Variants in ULK4 observed in about 807,000 individuals in gnomAD.
ULK4 encodes the protein unc-51 like kinase 4.
A neutral mutation model predicts 160.6 loss-of-function variants in ULK4; 133 were observed. The observed-to-expected ratio is 0.83, with a 90% confidence interval of 0.72 to 0.96. The LOEUF (loss-of-function observed/expected upper bound fraction) is 0.96. Among genes scored for constraint, ULK4 ranks in the 40% least tolerant of loss-of-function variants. ULK4 has a pLI of 0.00. For missense variants in ULK4, 1,580 were observed against 1,499.5 expected, an observed-to-expected ratio of 1.05 and a Z score of -0.89; for synonymous variants, 534 against 539.8, an observed-to-expected ratio of 0.99 and a Z score of 0.15.
intron 25 of ULK4, among the ~76,000 whole-genome samples, chr3:41,710,662 C>T (rs568096738): frequency 1.1e-4 from 16 of 151,976 alleles, no homozygotes; most frequent in South Asian, 2.1e-4. Flanking sequence ...TGAGTGGTGG[C>T]ACACGCCTGT....
At chr3:41,831,940 A>G (rs919433463) in intron 18 of ULK4, among the ~76,000 whole-genome samples, 1 of 152,008 alleles carries the variant, frequency 6.6e-6, no homozygotes, top group African/African-American at 2.4e-5. Flanking sequence ...TTCTTTATCC[A>G]GTCTATCATT....
chr3:41,510,367 T>C lies in ULK4; in HGVS notation c.3227-47114A>G, dbSNP rs547191601. Among the ~76,000 whole-genome samples, 6 of 152,166 alleles carry C rather than the reference T, an allele frequency of 3.9e-5. No homozygotes were observed. The South Asian group carries it at 8.3e-4, about 21-fold the overall frequency. On this transcript the variant is annotated intron_variant, in intron 32 of 36. Coordinates refer to ENST00000301831, the MANE Select transcript of ULK4 (RefSeq NM_017886.4). ...CTAGTCCTAAGAAATAAGACAGATGTCAACACAATAATAGTGGGGGATTTT... is the reference window on the plus strand; with the variant it reads ...CTAGTCCTAAGAAATAAGACAGATGCCAACACAATAATAGTGGGGGATTTT...
At chr3:41,620,628 C>T (rs757478041) in intron 30 of ULK4, among the ~76,000 whole-genome samples, 17 of 151,916 alleles carry the variant, frequency 1.1e-4, no homozygotes, top group African/African-American at 3.1e-4. Context: ...AAATAATAAG[C>T]GCTATGTATG....
chr3:41,788,714 G>A (rs9852020), intron 21 of ULK4, among the ~76,000 whole-genome samples: 18,631 of 151,292 alleles, frequency 0.12, 1,310 homozygotes, highest in Middle Eastern at 0.26. Context: ...AAAAGAAAAA[G>A]AAAATGACTG....
chr3:41,519,402 C>T (rs903493999), intron 32 of ULK4, among the ~76,000 whole-genome samples: 3 of 152,332 alleles, frequency 2.0e-5, no homozygotes, highest in African/African-American at 7.2e-5. Flanking sequence ...GCCTCACTAC[C>T]GTGGATGCCG....
intron 30 of ULK4, among the ~76,000 whole-genome samples, chr3:41,644,382 ATTGAGAGT>A (rs1470302343): frequency 2.0e-5 from 3 of 151,908 alleles, no homozygotes; most frequent in Non-Finnish European, 2.9e-5. Context: ...TACCTAATTT[ATTGAGAGT>A]TTTTAGCATG....
intron 35 of ULK4, among the ~76,000 whole-genome samples, chr3:41,322,652 G>A (rs1474012234): frequency 3.9e-5 from 6 of 152,178 alleles, no homozygotes; most frequent in Admixed American, 2.0e-4. Context: ...ATGTTTGAGA[G>A]CCGATGGAAT....
At chr3:41,441,891 T>C (rs1216704034) in intron 34 of ULK4, among the ~76,000 whole-genome samples, 3 of 152,198 alleles carry the variant, frequency 2.0e-5, no homozygotes, top group African/African-American at 4.8e-5. Context: ...GTCTATTTGA[T>C]TGACTATCGT....
intron 30 of ULK4, among the ~76,000 whole-genome samples, chr3:41,621,628 T>C (rs1389220005): frequency 1.3e-5 from 2 of 152,044 alleles, no homozygotes; most frequent in East Asian, 1.9e-4. Flanking sequence ...ATGGACTATA[T>C]AGTTACATGT....
At chr3:41,464,004 T>C (rs1026554017) in intron 32 of ULK4, among the ~76,000 whole-genome samples, 4 of 102,378 alleles carry the variant, frequency 3.9e-5, no homozygotes, top group African/African-American at 1.8e-4. Flanking sequence ...ATTCAGATGT[T>C]CTAAAAAAAA....
chr3:41,331,286 A>G (rs1191437728), intron 35 of ULK4, among the ~76,000 whole-genome samples: 1 of 152,200 alleles, frequency 6.6e-6, no homozygotes, highest in Admixed American at 6.5e-5. Flanking sequence ...AAGAGACATT[A>G]AGAGAGCAGA....
chr3:41,643,116 G>A (rs1439079230), intron 30 of ULK4, among the ~76,000 whole-genome samples: 1 of 152,070 alleles, frequency 6.6e-6, no homozygotes, highest in Admixed American at 6.5e-5. Context: ...AGTAGGTTGT[G>A]AAAATTTTCT....
Position 41,455,593 on chromosome 3 carries a change from G to A in ULK4, c.3396C>T (p.Ala1132=). 1 of 1,613,640 alleles carries A rather than the reference G, an allele frequency of 6.2e-7. No individual in the cohort carries two copies. Among genetic ancestry groups the A allele is most frequent in the South Asian group, 1.1e-5 (1 of 91,058 alleles). The change falls in exon 34 of 37, where the codon GCC becomes GCT. Residue 1132 remains alanine, a splice_region_variant and synonymous_variant. Coordinates refer to ENST00000301831, the MANE Select transcript of ULK4 (RefSeq NM_017886.4). ...GGTCCTCTCCTGAGCCAGACTTCTGGGCCTGGAACAGAGAGAAGAGAAATG... is the reference window on the plus strand; with the variant it reads ...GGTCCTCTCCTGAGCCAGACTTCTGAGCCTGGAACAGAGAGAAGAGAAATG... The part of the protein sequence containing the change: ...TSGIVRLALQ[A]QKSGSGEDPQ...
At chr3:41,796,950 A>C (rs1264488141) in intron 20 of ULK4, among the ~76,000 whole-genome samples, 2 of 152,192 alleles carry the variant, frequency 1.3e-5, no homozygotes, top group Non-Finnish European at 2.9e-5. Flanking sequence ...CCAAGGACAC[A>C]GAAGTCATCT....
At chr3:41,458,632 T>TA (rs1464511275) in intron 33 of ULK4, among the ~76,000 whole-genome samples, 4 of 152,188 alleles carry the variant, frequency 2.6e-5, no homozygotes, top group Non-Finnish European at 5.9e-5. Flanking sequence ...ACAGTTCTCT[T>TA]ACATCTAGCA....
intron 32 of ULK4, among the ~76,000 whole-genome samples, chr3:41,494,215 C>A (rs370403339): frequency 1.8e-5 from 2 of 112,546 alleles, no homozygotes; most frequent in African/African-American, 3.2e-5. Flanking sequence ...GCAGCACATC[C>A]AAAAGCTTAT....
intron 34 of ULK4, among the ~76,000 whole-genome samples, chr3:41,437,076 A>G (rs920667860): frequency 6.6e-6 from 1 of 152,200 alleles, no homozygotes; most frequent in Non-Finnish European, 1.5e-5. Flanking sequence ...CAGATAGTCA[A>G]TTTATTGCCA....
chr3:41,328,984 C>CAT (rs113318645), intron 35 of ULK4, among the ~76,000 whole-genome samples: 35,969 of 152,046 alleles, frequency 0.24, 4,390 homozygotes, highest in African/African-American at 0.27. Flanking sequence ...ATGTTAATCT[C>CAT]ATTCACCACC....
chr3:41,796,049 CAT>C (rs1196742880), intron 20 of ULK4, among the ~76,000 whole-genome samples: 2 of 152,064 alleles, frequency 1.3e-5, no homozygotes, highest in South Asian at 4.1e-4. Flanking sequence ...GCCCAGTATC[CAT>C]ATGTCAGTCT....
Sources: gnomAD v4.1 joint callset for allele counts (sites outside exome capture counted in the v4.1 genomes callset) on GRCh38, gnomAD v4.1.1 for gene constraint, MANE v1.5 for transcripts, NCBI Gene and HGNC (gene_info 2026-07-23, HGNC 2026-07-21) for gene names.